Variants in ZC3H14 observed in about 807,000 individuals in gnomAD.
ZC3H14 encodes the protein zinc finger CCCH-type containing 14.
A neutral mutation model predicts 92.4 loss-of-function variants in ZC3H14; 31 were observed. That is an observed-to-expected ratio of 0.34 (90% CI 0.25 to 0.45). The LOEUF (loss-of-function observed/expected upper bound fraction) is 0.45, where lower values mean the gene tolerates loss of function less well. ZC3H14 is among the 20% of genes least tolerant of loss of function. The pLI is 1.00. For synonymous variants in ZC3H14, 321 were observed against 300.9 expected (o/e 1.07, Z -0.69); for missense variants, 781 against 897.3 (o/e 0.87, Z 1.66).
At chr14:88,592,319 G>A (rs1382186688) in intron 9 of ZC3H14, 1 of 152,000 alleles carries the variant, frequency 6.6e-6, no homozygotes, top group Non-Finnish European at 1.5e-5. Context: ...TGAATCCAAA[G>A]CCTTGAATTT....
intron 2 of ZC3H14, among the ~76,000 whole-genome samples, chr14:88,566,623 G>T (rs2079661131): frequency 6.6e-6 from 1 of 152,062 alleles, no homozygotes; most frequent in Non-Finnish European, 1.5e-5. Context: ...AGTATTTAAG[G>T]TATTAAAGAA....
At position 88,621,140 on chromosome 14, in the gene ZC3H14, T is replaced by C. The variant is rs761530690; in HGVS notation, c.*9389T>C. The C allele has an allele frequency of 8.7e-6, 14 of 1,613,790 alleles. No homozygotes were observed. The highest frequency in any genetic ancestry group is 1.7e-5 in the Admixed American group (1 of 59,994). ...TATCAGCAATATCCCAAAGTCTCAC[T>C]GTCCCATCTTCTGCAGCAGAAAGGA... On this transcript the variant is annotated 3_prime_UTR_variant, in exon 17 of 17. Coordinates refer to ENST00000251038, the MANE Select transcript of ZC3H14 (RefSeq NM_024824.5).
At position 88,621,542 on chromosome 14, in the gene ZC3H14, G is replaced by A. The variant is rs2088943215; in HGVS notation, c.*9791G>A. 2 of 534,556 alleles carry A rather than the reference G, an allele frequency of 3.7e-6. No homozygotes were observed. Among genetic ancestry groups the A allele is most frequent in the Admixed American group, 3.4e-5 (1 of 29,504 alleles). The allele number at this position is 534,556 out of a possible 1,614,324, so 33.1% of individuals were successfully genotyped here. ...TGCTACAGAATAGAACTTTTCTGTG[G>A]CAGTACACCTGGATTCTTCAATAAT... On this transcript the variant is annotated 3_prime_UTR_variant, in exon 17 of 17. Coordinates refer to ENST00000251038, the MANE Select transcript of ZC3H14 (RefSeq NM_024824.5).
At chr14:88,584,670 G>A (rs973521954) in intron 9 of ZC3H14, among the ~76,000 whole-genome samples, 3 of 152,122 alleles carry the variant, frequency 2.0e-5, no homozygotes, top group Admixed American at 6.5e-5. Context: ...CCATCTCTGC[G>A]ACAGTTCAGC....
rs2088296439 is a variant in ZC3H14, at chr14:88,618,979, C to A, written c.*7228C>A. 8 of 520,118 alleles carry A rather than the reference C, an allele frequency of 1.5e-5. No homozygotes were observed. The East Asian group carries it at 2.6e-4, about 17-fold the overall frequency. The allele number at this position is 520,118 out of a possible 1,614,324, so 32.2% of individuals were successfully genotyped here. On this transcript the variant is annotated 3_prime_UTR_variant, in exon 17 of 17. Coordinates refer to ENST00000251038, the MANE Select transcript of ZC3H14 (RefSeq NM_024824.5). ...ATGTATACTGAGATTGTCTGGGTTA[C>A]ATGAAATAAGGAAGCTTTATATTTT...
chr14:88,576,191 A>T (rs950142287), intron 8 of ZC3H14, among the ~76,000 whole-genome samples: 2 of 152,206 alleles, frequency 1.3e-5, no homozygotes, highest in African/African-American at 2.4e-5. Flanking sequence ...TGTGTAAAAT[A>T]TATAGTACGT....
chr14:88,583,114 T>TC (rs147231811), intron 9 of ZC3H14, among the ~76,000 whole-genome samples: 1,783 of 151,202 alleles, frequency 0.012, 29 homozygotes, highest in African/African-American at 0.039. Context: ...GTTTTCTATT[T>TC]CATTGACTTG....
Position 88,618,834 on chromosome 14 carries a change from A to G in ZC3H14, c.*7083A>G, listed in dbSNP as rs750989457. On this transcript the variant is annotated 3_prime_UTR_variant, in exon 17 of 17. Coordinates refer to ENST00000251038, the MANE Select transcript of ZC3H14 (RefSeq NM_024824.5). ...AAATCTGAATCAAAACAAAACGTAA[A>G]AAGTATTAGACCACATGAAGTATTA... The G allele has an allele frequency of 7.7e-6, 12 of 1,552,470 alleles. No individual in the cohort carries two copies. The African/African-American group carries it at 1.1e-4, about 14-fold the overall frequency.
chr14:88,601,658 C>T (rs2084663642), intron 10 of ZC3H14, among the ~76,000 whole-genome samples: 1 of 152,104 alleles, frequency 6.6e-6, no homozygotes, highest in Admixed American at 6.6e-5. Context: ...GTTGAGATGC[C>T]TCACCTGAGA....
Position 88,616,839 on chromosome 14 carries a change from C to A in ZC3H14, c.*5088C>A. The A allele has an allele frequency of 6.2e-7, 1 of 1,613,930 alleles. No individual in the cohort carries two copies. Among genetic ancestry groups the A allele is most frequent in the Non-Finnish European group, 8.5e-7 (1 of 1,179,850 alleles). ...GCACAGTTGACATCAGCTTTCTCAG[C>A]ATGTCTGGACCAGATTCCCAAAACC... On this transcript the variant is annotated 3_prime_UTR_variant, in exon 17 of 17. Coordinates refer to ENST00000251038, the MANE Select transcript of ZC3H14 (RefSeq NM_024824.5).
At position 88,572,917 on chromosome 14, in the gene ZC3H14, A is replaced by G; in HGVS notation, c.771A>G (p.Thr257=). Reference sequence around the variant, plus strand: ...TGCAGAGTAGTTGGGTATATGAAACAGGACGTTTGTGTGAACCAGAGGTGC... The same window carrying G: ...TGCAGAGTAGTTGGGTATATGAAACGGGACGTTTGTGTGAACCAGAGGTGC... ...LDMQSSWVYE[T]GRLCEPEVLN... is the part of the protein sequence containing the mutation. The change falls in exon 6 of 17, where the codon ACA becomes ACG. Residue 257 remains threonine, a synonymous_variant. Transcript: ENST00000251038. 6.2e-7 allele frequency: 1 copy of G among 1,614,222 alleles called. No individual in the cohort carries two copies. The highest frequency in any genetic ancestry group is 8.5e-7 in the Non-Finnish European group (1 of 1,180,046).
chr14:88,594,566 C>A, intron 9 of ZC3H14: 1 of 1,472,822 alleles, frequency 6.8e-7, no homozygotes. Context: ...TTTTGAATTA[C>A]AGGTTTTAAG....
At chr14:88,585,807 A>T (rs866818143) in intron 9 of ZC3H14, among the ~76,000 whole-genome samples, 3 of 152,224 alleles carry the variant, frequency 2.0e-5, no homozygotes, top group Non-Finnish European at 4.4e-5. Context: ...TTGAATACCT[A>T]TGAAGAGCTT....
At position 88,620,931 on chromosome 14, in the gene ZC3H14, AT is replaced by A. The variant is rs773451401; in HGVS notation, c.*9183del. On this transcript the variant is annotated 3_prime_UTR_variant, in exon 17 of 17. Transcript: ENST00000251038. The surrounding 1 kb of genome is among the most constrained non-coding windows in gnomAD (Gnocchi z 4.3). ...ATTCACTTTGTTTAACATCTTCTGCATTTAAAAAAAAAAAAAAAAAGAGTCA... is the reference window on the plus strand; with the variant it reads ...ATTCACTTTGTTTAACATCTTCTGCATTAAAAAAAAAAAAAAAAAGAGTCA... The A allele has an allele frequency of 6.3e-6, 9 of 1,422,596 alleles. No homozygotes were observed. In the East Asian group the frequency reaches 7.7e-5, roughly 12 times the overall value. 88.1% of individuals were successfully genotyped at this position (1,422,596 alleles called of 1,614,324 possible). A position where few individuals can be genotyped will look rare whatever the true frequency, so the allele number is the denominator to read the frequency against.
At position 88,613,602 on chromosome 14, in the gene ZC3H14, C is replaced by G. The variant is rs968032504; in HGVS notation, c.*1851C>G. The stretch of plus-strand genomic sequence containing the variant: ...GGCTTATGAACAAGCTAAGGTTGAC[C>G]ATAAAACATTTGTTGGATGACGTGG... On this transcript the variant is annotated 3_prime_UTR_variant, in exon 17 of 17. Coordinates refer to ENST00000251038, the MANE Select transcript of ZC3H14 (RefSeq NM_024824.5). 4 of 151,854 alleles carry G rather than the reference C, an allele frequency of 2.6e-5. No individual in the cohort carries two copies. Among genetic ancestry groups the G allele is most frequent in the African/African-American group, 9.7e-5 (4 of 41,338 alleles). The allele number at this position is 151,854 out of a possible 1,614,324, so 9.4% of individuals were successfully genotyped here.
At chr14:88,579,374 G>A (rs1371306062) in intron 9 of ZC3H14, among the ~76,000 whole-genome samples, 1 of 152,178 alleles carries the variant, frequency 6.6e-6, no homozygotes, top group Non-Finnish European at 1.5e-5. Flanking sequence ...ATTGGAAAAT[G>A]TGAATGGGCC....
rs145607620 is a variant in ZC3H14 at position 88,597,697 on chromosome 14, A to C, written c.1354+889A>C. 2.2e-4 allele frequency among the ~76,000 whole-genome samples: 34 copies of C among 152,324 alleles called. No individual in the cohort carries two copies. In the East Asian group the frequency reaches 4.6e-3, roughly 21 times the overall value. The stretch of plus-strand genomic sequence containing the variant: ...CTGTCTTCTCTCTGTAGAGGTGTTC[A>C]GACATTCTCTGCCCGTGATTTTGCT... On this transcript the variant is annotated intron_variant, in intron 10 of 16. Coordinates refer to ENST00000251038, the MANE Select transcript of ZC3H14 (RefSeq NM_024824.5).
intron 3 of ZC3H14, among the ~76,000 whole-genome samples, chr14:88,570,319 T>C (rs1382971289): frequency 1.3e-5 from 2 of 152,200 alleles, no homozygotes; most frequent in Non-Finnish European, 2.9e-5. Context: ...ACATGAGGTT[T>C]CTGGCATATT....
intron 1 of ZC3H14, 182 bp from the exon 2 acceptor site, chr14:88,563,469 G>GGCTGGGGCTGGA (rs913570849): frequency 6.8e-7 from 1 of 1,465,004 alleles, no homozygotes; most frequent in Non-Finnish European, 8.9e-7. Flanking sequence ...GGCGCCGCGG[G>GGCTGGGGCTGGA]GCTGGGGCTG....
Sources: gnomAD v4.1 joint callset for allele counts (sites outside exome capture counted in the v4.1 genomes callset) on GRCh38, gnomAD v4.1.1 for gene constraint, Gnocchi (gnomAD v3.1) non-coding constraint, MANE v1.5 for transcripts, NCBI Gene and HGNC (gene_info 2026-07-23, HGNC 2026-07-21) for gene names.